The following ACACB variants were observed in gnomAD, a reference collection of about 807,000 sequenced individuals.
ACACB encodes the protein acetyl-CoA carboxylase 2.
Under a neutral mutation model 278.8 loss-of-function variants are expected in ACACB, and 209 were observed. The observed-to-expected ratio is 0.75, with a 90% CI of 0.67 to 0.84. The LOEUF (loss-of-function observed/expected upper bound fraction) is 0.84, where lower values mean the gene tolerates loss of function less well. Among genes scored for constraint, ACACB ranks in the 40% least tolerant of loss-of-function variants. The probability of loss-of-function intolerance (pLI) is 0.00; values close to 1 mark genes in which losing one functional copy is unlikely to be tolerated. For missense variants in ACACB, 2,850 were observed against 3,269.0 expected (o/e 0.87, Z 3.13); for synonymous variants, 1,174 against 1,285.6 (o/e 0.91, Z 1.86).
rs141397365 is a variant in ACACB, at chr12:109,171,836, C to T, written c.957C>T (p.Pro319=). The T allele has an allele frequency of 2.0e-5, 32 of 1,614,062 alleles. No homozygotes were observed. In the East Asian group the frequency reaches 2.0e-4, roughly 10 times the overall value. ...TCAAGATGGCGGATCATTACGTCCC[C>T]GTCCCAGGAGGGCCCAATAACAACA... ...EYIKMADHYV[P]VPGGPNNNNY... Residue 319 remains proline (P), a synonymous_variant, in exon 5 of 53, where the codon CCC becomes CCT. Transcript: ENST00000338432.
Position 109,241,114 on chromosome 12 carries a change from G to C in ACACB, c.4855G>C (p.Gly1619Arg). ...CGTGCGCTACATGGTTATGCGCTACGGCAGCCGGCTGTGGAAACTCCGTGT... is the reference window on the plus strand; with the variant it reads ...CGTGCGCTACATGGTTATGCGCTACCGCAGCCGGCTGTGGAAACTCCGTGT... ...ESVRYMVMRY[G>R]SRLWKLRVLQ... Residue 1619 changes from glycine to arginine, a missense_variant, in exon 36 of 53, where the codon GGC becomes CGC. Transcript: ENST00000338432. The C allele has an allele frequency of 6.2e-7, 1 of 1,614,110 alleles. No individual in the cohort carries two copies. The highest frequency in any genetic ancestry group is 8.5e-7 in the Non-Finnish European group (1 of 1,180,030).
At chr12:109,209,898 CACACAT>C (rs766489168) in intron 21 of ACACB, among the ~76,000 whole-genome samples, 3 of 82,746 alleles carry the variant, frequency 3.6e-5, no homozygotes, top group African/African-American at 6.1e-5. Context: ...TATGTATATA[CACACAT>C]ACACACACGT....
At chr12:109,253,952 G>A (rs963160247) in intron 43 of ACACB, among the ~76,000 whole-genome samples, 3 of 151,952 alleles carry the variant, frequency 2.0e-5, no homozygotes, top group Admixed American at 6.5e-5. Flanking sequence ...CCTTTCCTGC[G>A]TTTCTGTAAC....
At chr12:109,234,803 G>A (rs928253730) in intron 31 of ACACB, among the ~76,000 whole-genome samples, 14 of 151,962 alleles carry the variant, frequency 9.2e-5, no homozygotes, top group Non-Finnish European at 1.9e-4. Context: ...CCTGTCGGGG[G>A]GTGGGGGCCG....
chr12:109,239,783 G>A (rs368158982), intron 34 of ACACB, 47 bp from the exon 35 acceptor site: 4 of 1,551,208 alleles, frequency 2.6e-6, no homozygotes, highest in Non-Finnish European at 3.5e-6. Flanking sequence ...GCTGGGAGTA[G>A]GCCTGCACCC....
intron 18 of ACACB, 106 bp downstream of exon 18, chr12:109,199,658 T>A: frequency 8.7e-7 from 1 of 1,144,930 alleles, no homozygotes; most frequent in Non-Finnish European, 1.1e-6. Flanking sequence ...TTGACCACTG[T>A]CTGCAAATTT....
intron 2 of ACACB, among the ~76,000 whole-genome samples, chr12:109,144,185 C>T (rs769524353): frequency 3.3e-5 from 5 of 151,908 alleles, no homozygotes; most frequent in African/African-American, 7.3e-5. Flanking sequence ...TGGTGGTGCA[C>T]GCCTGTAGTC....
chr12:109,142,883 A>T (rs1043150814), intron 2 of ACACB, among the ~76,000 whole-genome samples: 2 of 152,136 alleles, frequency 1.3e-5, no homozygotes, highest in Non-Finnish European at 2.9e-5. Context: ...ACTATCTTTC[A>T]TAGGGAAAAT....
At chr12:109,231,106 TG>T (rs2046455725) in intron 28 of ACACB, among the ~76,000 whole-genome samples, 1 of 151,826 alleles carries the variant, frequency 6.6e-6, no homozygotes, top group African/African-American at 2.4e-5. Context: ...AGGCACATGG[TG>T]CTTTAGGTCA....
At chr12:109,174,318 A>G in intron 7 of ACACB, 88 bp downstream of exon 7, 1 of 998,522 alleles carries the variant, frequency 1.0e-6, no homozygotes, top group Non-Finnish European at 1.4e-6. Flanking sequence ...TATGCTTGTA[A>G]CAATTCTTTC....
chr12:109,242,763 G>A (rs935756706), intron 37 of ACACB, 171 bp downstream of exon 37: 7 of 718,674 alleles, frequency 9.7e-6, no homozygotes, highest in Non-Finnish European at 1.3e-5. Flanking sequence ...CGAGGAGGGA[G>A]GATTGCTTGA....
At chr12:109,209,858 T>TACAC (rs1565924766) in intron 21 of ACACB, among the ~76,000 whole-genome samples, 2 of 134,060 alleles carry the variant, frequency 1.5e-5, no homozygotes, top group African/African-American at 6.4e-5. Context: ...TGTATATATG[T>TACAC]ATATACACAC....
intron 2 of ACACB, among the ~76,000 whole-genome samples, chr12:109,153,178 G>A (rs867596219): frequency 3.1e-4 from 47 of 151,058 alleles, no homozygotes; most frequent in African/African-American, 1.0e-3. Context: ...TAGTAGAGAC[G>A]AAATTTCACC....
At chr12:109,134,515 A>G (rs946048962) in intron 1 of ACACB, among the ~76,000 whole-genome samples, 3 of 152,126 alleles carry the variant, frequency 2.0e-5, no homozygotes, top group Non-Finnish European at 2.9e-5. Context: ...GTTAATTTCA[A>G]AATTTTTCCT....
upstream of ACACB, among the ~76,000 whole-genome samples, chr12:109,111,664 T>C (rs1452418180): frequency 2.0e-5 from 3 of 151,092 alleles, no homozygotes; most frequent in Admixed American, 6.6e-5. Context: ...CAAGCAATCC[T>C]CCCACCTCAG....
Position 109,265,204 on chromosome 12 carries a change from C to G in ACACB, c.7037C>G (p.Ala2346Gly), listed in dbSNP as rs749479081. 1.8e-5 allele frequency: 29 copies of G among 1,613,620 alleles called. No individual in the cohort carries two copies. Among genetic ancestry groups the G allele is most frequent in the Non-Finnish European group, 2.5e-5 (29 of 1,180,046 alleles). Residue 2346 changes from alanine to glycine, a missense_variant, in exon 51 of 53, where the codon GCC becomes GGC. By Grantham distance (60) the Ala-to-Gly change is moderately conservative. This residue lies in a region of ACACB where 579 missense variants were observed against 684.6 expected (regional missense o/e 0.85). Coordinates refer to ENST00000338432, the MANE Select transcript of ACACB (RefSeq NM_001093.4). ...EDQVKQEILQ[A>G]SGELSHVHIQ... is the part of the protein sequence containing the mutation. ...CAGGTCAAGCAGGAGATCCTGCAGG[C>G]CAGCGGGGAGCTGAGTCACGTGCAT...
chr12:109,127,022 C>G (rs548814051), intron 1 of ACACB, among the ~76,000 whole-genome samples: 1 of 152,318 alleles, frequency 6.6e-6, no homozygotes, highest in African/African-American at 2.4e-5. Flanking sequence ...TCTAGCAGTA[C>G]TGGCTGGGAT....
chr12:109,248,469 T>G (rs2047007517), intron 40 of ACACB, among the ~76,000 whole-genome samples: 1 of 152,176 alleles, frequency 6.6e-6, no homozygotes, highest in Non-Finnish European at 1.5e-5. Context: ...AAGCCAATAG[T>G]GCAGCCTTCA....
Position 109,237,280 on chromosome 12 carries a change from AC to A in ACACB, c.4564del (p.Leu1522PhefsTer8). On this transcript the variant is annotated frameshift_variant, in exon 34 of 53. Coordinates refer to ENST00000338432, the MANE Select transcript of ACACB (RefSeq NM_001093.4). LOFTEE classifies it high-confidence loss of function. ...TAVPCANHKMHLYLGAAKVKE... is the reference protein window; with the variant it reads ...TAVPCANHKMXLYLGAAKVKE... ...GTGCCCTGTGCCAACCACAAGATGCACCTTTACCTGGGTGCTGCCAAGGTGA... is the reference window on the plus strand; with the variant it reads ...GTGCCCTGTGCCAACCACAAGATGCACTTTACCTGGGTGCTGCCAAGGTGA... The A allele has an allele frequency of 6.2e-7, 1 of 1,614,044 alleles. No homozygotes were observed. Among genetic ancestry groups the A allele is most frequent in the Non-Finnish European group, 8.5e-7 (1 of 1,180,004 alleles).
Sources: allele counts gnomAD v4.1 joint callset (sites outside exome capture counted in the v4.1 genomes callset), GRCh38; gene constraint gnomAD v4.1.1; regional missense constraint gnomAD v4.1.1; transcripts MANE v1.5; gene names NCBI Gene and HGNC (gene_info 2026-07-23, HGNC 2026-07-21).